Variants in TMEM232 observed in about 807,000 individuals in gnomAD.
The protein encoded by TMEM232 is transmembrane protein 232.
A neutral mutation model predicts 78.8 loss-of-function variants in TMEM232; 80 were observed. That is an observed-to-expected ratio of 1.01 (90% CI 0.85 to 1.22). TMEM232 has a LOEUF of 1.22. Among genes scored for constraint, TMEM232 ranks in the 50% most tolerant of loss-of-function variants. The pLI, the probability that TMEM232 is intolerant of heterozygous loss-of-function variation, is 0.00. For missense variants in TMEM232, 881 were observed against 742.2 expected (o/e 1.19, Z -2.17); for synonymous variants, 297 against 254.3 (o/e 1.17, Z -1.60).
rs150525332 is a variant in TMEM232 at position 110,573,436 on chromosome 5, G to A, written c.1277-4811C>T. On this transcript the variant is annotated intron_variant, in intron 10 of 13. Transcript: ENST00000455884. ...GTAGAGTTGAAGGAACTAGATCAAC[G>A]CCAAGAAACTAATGGTTGGACAAGA... 2.0e-3 allele frequency among the ~76,000 whole-genome samples: 298 copies of A among 152,084 alleles called. 3 individuals carry two copies. The highest frequency in any genetic ancestry group is 4.5e-3 in the African/African-American group (187 of 41,520).
intron 12 of TMEM232, among the ~76,000 whole-genome samples, chr5:110,496,640 A>G (rs1330530961): frequency 7.2e-5 from 11 of 152,028 alleles, no homozygotes; most frequent in Non-Finnish European, 1.6e-4. Context: ...TTCTTTCATA[A>G]CCAGGATACC....
At chr5:110,465,117 A>T (rs976784748) in intron 12 of TMEM232, among the ~76,000 whole-genome samples, 5 of 152,110 alleles carry the variant, frequency 3.3e-5, no homozygotes, top group African/African-American at 1.2e-4. Context: ...TAGAGTGAAA[A>T]GCTGTCTTTA....
intron 12 of TMEM232, among the ~76,000 whole-genome samples, chr5:110,505,405 G>A (rs1310797797): frequency 6.6e-6 from 1 of 152,168 alleles, no homozygotes; most frequent in East Asian, 1.9e-4. Context: ...AGGAGAAAAA[G>A]CAACACCATC....
intron 12 of TMEM232, among the ~76,000 whole-genome samples, chr5:110,505,532 A>T (rs1044950491): frequency 2.2e-4 from 34 of 152,286 alleles, no homozygotes; most frequent in African/African-American, 7.7e-4. Flanking sequence ...TTTGAAACAG[A>T]GTCTTGATAT....
At chr5:110,502,794 C>T (rs761086912) in intron 12 of TMEM232, among the ~76,000 whole-genome samples, 20 of 152,142 alleles carry the variant, frequency 1.3e-4, no homozygotes, top group African/African-American at 4.6e-4. Flanking sequence ...CTGCCTGTAC[C>T]GTATGTCTAC....
intron 2 of TMEM232, among the ~76,000 whole-genome samples, chr5:110,733,876 C>T (rs1266032664): frequency 6.6e-6 from 1 of 152,114 alleles, no homozygotes; most frequent in African/African-American, 2.4e-5. Context: ...AATGGTCATT[C>T]AACTTATAAA....
intron 7 of TMEM232, among the ~76,000 whole-genome samples, chr5:110,620,086 T>C (rs1236353708): frequency 6.6e-6 from 1 of 152,064 alleles, no homozygotes; most frequent in Non-Finnish European, 1.5e-5. Flanking sequence ...TCAGAGAAAA[T>C]TCAGAAAGCA....
intron 11 of TMEM232, among the ~76,000 whole-genome samples, chr5:110,549,311 A>C (rs1410017898): frequency 1.3e-5 from 2 of 152,056 alleles, no homozygotes; most frequent in African/African-American, 4.8e-5. Flanking sequence ...AGAGAATCAA[A>C]AGTTGATTTT....
intron 2 of TMEM232, among the ~76,000 whole-genome samples, chr5:110,644,455 T>A (rs1352822206): frequency 6.6e-6 from 1 of 151,846 alleles, no homozygotes; most frequent in Non-Finnish European, 1.5e-5. Flanking sequence ...ATGAAAAAGT[T>A]AATAGATTGC....
chr5:110,477,462 T>C (rs1763370417), intron 12 of TMEM232, among the ~76,000 whole-genome samples: 1 of 152,026 alleles, frequency 6.6e-6, no homozygotes. Flanking sequence ...ATTGTGGTTT[T>C]TTAGTCAAAT....
chr5:110,677,164 A>G (rs1003551021), intron 1 of TMEM232, among the ~76,000 whole-genome samples: 3 of 152,080 alleles, frequency 2.0e-5, no homozygotes, highest in East Asian at 1.9e-4. Context: ...ATCTTTTCAT[A>G]TATCTATTGG....
chr5:110,467,847 G>C (rs867681560), intron 12 of TMEM232, among the ~76,000 whole-genome samples: 2 of 152,000 alleles, frequency 1.3e-5, no homozygotes, highest in African/African-American at 4.8e-5. Flanking sequence ...ACATCCCAAG[G>C]TTCTTCTATC....
intron 2 of TMEM232, among the ~76,000 whole-genome samples, chr5:110,652,294 G>GCGCGCGCACA (rs1554069154): frequency 6.9e-6 from 1 of 145,360 alleles, no homozygotes; most frequent in Non-Finnish European, 1.5e-5. Context: ...GCACGCGCGC[G>GCGCGCGCACA]CACACACACA....
intron 1 of TMEM232, among the ~76,000 whole-genome samples, chr5:110,711,598 T>A (rs1378862693): frequency 6.6e-6 from 1 of 152,036 alleles, no homozygotes; most frequent in African/African-American, 2.4e-5. Context: ...CATAGACCAA[T>A]GGAGCAGAAG....
At chr5:110,710,672 T>C (rs970392332) in intron 1 of TMEM232, among the ~76,000 whole-genome samples, 19 of 152,222 alleles carry the variant, frequency 1.2e-4, no homozygotes, top group Non-Finnish European at 2.5e-4. Flanking sequence ...GGTGAGATGA[T>C]TGATAAAAAT....
At chr5:110,635,308 C>T (rs1484576906) in intron 5 of TMEM232, among the ~76,000 whole-genome samples, 1 of 151,798 alleles carries the variant, frequency 6.6e-6, no homozygotes, top group Non-Finnish European at 1.5e-5. Flanking sequence ...AAGTAAAAGG[C>T]GAGGGAACTC....
chr5:110,469,654 T>A (rs1437456047), intron 12 of TMEM232, among the ~76,000 whole-genome samples: 1 of 152,190 alleles, frequency 6.6e-6, no homozygotes, highest in Non-Finnish European at 1.5e-5. Context: ...GTGTCAGCAC[T>A]GAGGTGATGC....
chr5:110,463,875 T>A (rs1761799357), intron 12 of TMEM232, among the ~76,000 whole-genome samples: 1 of 152,212 alleles, frequency 6.6e-6, no homozygotes, highest in Non-Finnish European at 1.5e-5. Flanking sequence ...TTCTGTGTTC[T>A]CCAGTCACAC....
chr5:110,638,156 T>A (rs991209889), intron 5 of TMEM232, 42 bp downstream of exon 5: 31 of 1,420,740 alleles, frequency 2.2e-5, no homozygotes, highest in Non-Finnish European at 3.0e-5. Context: ...ACATGTAGTA[T>A]GTGAAATATT....
Sources: allele counts gnomAD v4.1 joint callset (sites outside exome capture counted in the v4.1 genomes callset), GRCh38; gene constraint gnomAD v4.1.1; transcripts MANE v1.5; gene names NCBI Gene and HGNC (gene_info 2026-07-23, HGNC 2026-07-21).